The following ARB2A variants were observed in gnomAD, a reference collection of about 807,000 sequenced individuals.
ARB2A encodes cotranscriptional regulator ARB2A.
the ARB2A span, among the ~76,000 whole-genome samples, chr5:93,747,706 A>T: frequency 6.6e-6 from 1 of 152,002 alleles, no homozygotes; most frequent in Non-Finnish European, 1.5e-5. Flanking sequence ...CTTCTAGTCC[A>T]TTCCTCAAGC....
At chr5:94,088,711 C>T in the ARB2A span, among the ~76,000 whole-genome samples, 2 of 152,076 alleles carry the variant, frequency 1.3e-5, no homozygotes, top group Admixed American at 1.3e-4. Flanking sequence ...AAAGTAAGCC[C>T]TTTTGAAAAT....
At chr5:93,741,175 G>A in the ARB2A span, 3 of 1,613,672 alleles carry the variant, frequency 1.9e-6, no homozygotes, top group African/African-American at 4.0e-5. Context: ...CAACTCCTTG[G>A]CCAATTGCTG....
chr5:93,621,053 G>A, the ARB2A span: 1 of 1,612,372 alleles, frequency 6.2e-7, no homozygotes, highest in Non-Finnish European at 8.5e-7. Flanking sequence ...AGCTGGTCTT[G>A]GCCTCTGAGG....
the ARB2A span, among the ~76,000 whole-genome samples, chr5:93,969,126 A>C: frequency 6.6e-6 from 1 of 151,622 alleles, no homozygotes; most frequent in Non-Finnish European, 1.5e-5. Context: ...CAACACAAAG[A>C]AACAGGAGAG....
the ARB2A span, among the ~76,000 whole-genome samples, chr5:94,006,721 CA>C: frequency 1.3e-5 from 2 of 152,034 alleles, no homozygotes; most frequent in African/African-American, 4.8e-5. Flanking sequence ...TTAATTCATA[CA>C]AATCTAATGT....
chr5:94,000,631 T>C, the ARB2A span, among the ~76,000 whole-genome samples: 1 of 152,098 alleles, frequency 6.6e-6, no homozygotes, highest in South Asian at 2.1e-4. Flanking sequence ...TTAACATTGT[T>C]TTTTGTAAAA....
the ARB2A span, among the ~76,000 whole-genome samples, chr5:93,629,223 C>T: frequency 6.6e-6 from 1 of 152,156 alleles, no homozygotes; most frequent in Non-Finnish European, 1.5e-5. Context: ...GTATACACTA[C>T]AATTATCAAT....
chr5:94,069,042 A>ATAGATAGATAGATAGGTAGG, the ARB2A span, among the ~76,000 whole-genome samples: 18 of 138,474 alleles, frequency 1.3e-4, no homozygotes, highest in African/African-American at 4.6e-4. Context: ...TCTTAAAAAG[A>ATAGATAGATAGATAGGTAGG]TAGATAGATA....
the ARB2A span, among the ~76,000 whole-genome samples, chr5:94,099,709 G>A: frequency 6.8e-6 from 1 of 147,230 alleles, no homozygotes; most frequent in East Asian, 2.0e-4. Context: ...AAAGCCATAT[G>A]ATAATCTGAA....
chr5:93,799,769 A>C, the ARB2A span, among the ~76,000 whole-genome samples: 1 of 152,090 alleles, frequency 6.6e-6, no homozygotes, highest in East Asian at 1.9e-4. Context: ...ATAAGGTCTA[A>C]CTAGGTAGTA....
chr5:93,910,407 A>T, the ARB2A span, among the ~76,000 whole-genome samples: 9 of 151,228 alleles, frequency 6.0e-5, no homozygotes, highest in Non-Finnish European at 1.3e-4. Context: ...TTACAGTATG[A>T]TTCTAAAAAT....
chr5:94,084,274 C>CA, the ARB2A span, among the ~76,000 whole-genome samples: 43 of 73,064 alleles, frequency 5.9e-4, no homozygotes, highest in African/African-American at 7.2e-4. Context: ...AACTTCATCT[C>CA]AAAAAAAAAA....
chr5:93,790,703 GAA>G, the ARB2A span, among the ~76,000 whole-genome samples: 531 of 152,252 alleles, frequency 3.5e-3, 2 homozygotes, highest in Non-Finnish European at 5.6e-3. Flanking sequence ...CACGCTGGGG[GAA>G]AGAGTCCCTT....
the ARB2A span, among the ~76,000 whole-genome samples, chr5:93,722,843 G>T: frequency 6.6e-6 from 1 of 152,020 alleles, no homozygotes; most frequent in Non-Finnish European, 1.5e-5. Flanking sequence ...ATAAAAACTG[G>T]AATATTCAGC....
the ARB2A span, among the ~76,000 whole-genome samples, chr5:93,816,233 A>T: frequency 3.3e-4 from 51 of 152,280 alleles, no homozygotes; most frequent in East Asian, 9.5e-3. Context: ...GCTTACAATG[A>T]ATGATCATTT....
At chr5:94,094,779 A>G in the ARB2A span, among the ~76,000 whole-genome samples, 2 of 152,194 alleles carry the variant, frequency 1.3e-5, no homozygotes, top group Non-Finnish European at 2.9e-5. Flanking sequence ...ACACCATTGT[A>G]AGTTCAGAGG....
At chr5:94,041,147 A>T in the ARB2A span, among the ~76,000 whole-genome samples, 1 of 151,214 alleles carries the variant, frequency 6.6e-6, no homozygotes, top group African/African-American at 2.4e-5. Flanking sequence ...GGTAAAAATC[A>T]CTAGTTATCT....
At chr5:93,848,318 G>A in the ARB2A span, among the ~76,000 whole-genome samples, 1 of 151,732 alleles carries the variant, frequency 6.6e-6, no homozygotes, top group Non-Finnish European at 1.5e-5. Context: ...GGGAGGCGGA[G>A]GTTGCAGTGA....
chr5:93,970,943 G>C, the ARB2A span, among the ~76,000 whole-genome samples: 1 of 151,916 alleles, frequency 6.6e-6, no homozygotes, highest in African/African-American at 2.4e-5. Flanking sequence ...AATGAAGTTT[G>C]ATATTATAAG....
Sources: gnomAD v4.1 joint callset for allele counts (sites outside exome capture counted in the v4.1 genomes callset) on GRCh38, gnomAD v4.1.1 for gene constraint, MANE v1.5 for transcripts, NCBI Gene and HGNC (gene_info 2026-07-23, HGNC 2026-07-21) for gene names.